BBIP1: variants seen among roughly 807,000 people sequenced by gnomAD.
The protein encoded by BBIP1 is BBSome-interacting protein 1.
BBIP1 carries 6 observed loss-of-function variants against 8.9 expected under a neutral mutation model. The ratio of observed to expected loss-of-function variants is 0.67; its 90% CI spans 0.37 to 1.33. The LOEUF is 1.33. Among genes scored for constraint, BBIP1 ranks in the 40% most tolerant of loss-of-function variants. The pLI is 0.02. For synonymous variants in BBIP1, 32 were observed against 33.4 expected, an observed-to-expected ratio of 0.96 and a Z score of 0.14; for missense variants, 111 against 109.2, an observed-to-expected ratio of 1.02 and a Z score of -0.07.
In BBIP1 at chr10:110,918,173, C is replaced by G; in HGVS notation, c.-16G>C. ...CTTTAAGCATCCAACCCGGTATTAC[C>G]AAGATGACTTAGAGTTCTTGACTCA... On this transcript the variant is annotated 5_prime_UTR_variant, in exon 2 of 4. Coordinates refer to ENST00000448814, the MANE Select transcript of BBIP1 (RefSeq NM_001195305.3). 1 of 1,534,814 alleles carries G rather than the reference C, an allele frequency of 6.5e-7. No homozygotes were observed. Among genetic ancestry groups the G allele is most frequent in the Non-Finnish European group, 8.7e-7 (1 of 1,145,810 alleles).
intron 2 of BBIP1, among the ~76,000 whole-genome samples, chr10:110,917,688 A>G (rs1846447515): frequency 6.6e-6 from 1 of 152,200 alleles, no homozygotes; most frequent in Non-Finnish European, 1.5e-5. Context: ...CATCCAAGAG[A>G]CACCCGATAT....
At chr10:110,903,182 G>C (rs1304099882) in intron 2 of BBIP1, 1 of 152,208 alleles carries the variant, frequency 6.6e-6, no homozygotes, top group East Asian at 1.9e-4. Flanking sequence ...AAATGCTAAA[G>C]TGGTAGATAA....
At chr10:110,915,956 G>A (rs1205028931) in intron 2 of BBIP1, among the ~76,000 whole-genome samples, 2 of 152,044 alleles carry the variant, frequency 1.3e-5, no homozygotes, top group Non-Finnish European at 1.5e-5. Context: ...CACCTGCCTC[G>A]GCCTCCCAAA....
intron 2 of BBIP1, among the ~76,000 whole-genome samples, chr10:110,916,610 T>G (rs1408640028): frequency 6.6e-6 from 1 of 152,200 alleles, no homozygotes; most frequent in Non-Finnish European, 1.5e-5. Context: ...TGGCCAACAG[T>G]TGCCTTGGTA....
At chr10:110,918,295 A>G (rs1414040743) in intron 1 of BBIP1, 82 bp from the exon 2 acceptor site, 2 of 715,278 alleles carry the variant, frequency 2.8e-6, no homozygotes, top group South Asian at 3.5e-5. Flanking sequence ...CACGTTGTTT[A>G]AGAAACTGTA....
At chr10:110,910,111 G>A (rs983811260) in intron 2 of BBIP1, among the ~76,000 whole-genome samples, 1 of 152,144 alleles carries the variant, frequency 6.6e-6, no homozygotes, top group African/African-American at 2.4e-5. Context: ...GGGGACAACG[G>A]GTGGTCTCTG....
chr10:110,914,092 T>C (rs1846337156), intron 2 of BBIP1, among the ~76,000 whole-genome samples: 1 of 152,184 alleles, frequency 6.6e-6, no homozygotes, highest in African/African-American at 2.4e-5. Flanking sequence ...CTTACCTTAC[T>C]TGCCCATCCA....
chr10:110,902,844 A>G (rs1460591654), intron 2 of BBIP1: 1 of 152,098 alleles, frequency 6.6e-6, no homozygotes, highest in African/African-American at 2.4e-5. Context: ...ACAATACACA[A>G]TTTCCTTAGA....
chr10:110,910,834 A>C (rs985490824), intron 2 of BBIP1: 25 of 152,260 alleles, frequency 1.6e-4, no homozygotes, highest in African/African-American at 6.0e-4. Context: ...GTCCAAGAGG[A>C]AGGTAAAAAG....
At position 110,918,164 on chromosome 10, in the gene BBIP1, C is replaced by T. The variant is rs1007006316; in HGVS notation, c.-7G>A. 23 of 1,535,380 alleles carry T rather than the reference C, an allele frequency of 1.5e-5. No homozygotes were observed. In the African/African-American group the frequency reaches 2.3e-4, roughly 16 times the overall value. On this transcript the variant is annotated 5_prime_UTR_variant, in exon 2 of 4. Transcript: ENST00000448814. ...TTGCTGCAGCTTTAAGCATCCAACCCGGTATTACCAAGATGACTTAGAGTT... is the reference window on the plus strand; with the variant it reads ...TTGCTGCAGCTTTAAGCATCCAACCTGGTATTACCAAGATGACTTAGAGTT...
intron 2 of BBIP1, 138 bp from the exon 3 acceptor site, chr10:110,901,750 A>G: frequency 1.5e-6 from 1 of 657,450 alleles, no homozygotes; most frequent in Non-Finnish European, 2.7e-6. Flanking sequence ...TATTGCCATT[A>G]ATTTCCTGTG....
At chr10:110,908,777 G>C (rs1846202906) in intron 2 of BBIP1, among the ~76,000 whole-genome samples, 1 of 125,338 alleles carries the variant, frequency 8.0e-6, no homozygotes, top group Non-Finnish European at 1.7e-5. Context: ...CATTATGGGG[G>C]AGGCAAGGAA....
At chr10:110,912,793 T>C (rs539083456) in intron 2 of BBIP1, among the ~76,000 whole-genome samples, 6 of 152,280 alleles carry the variant, frequency 3.9e-5, no homozygotes, top group Non-Finnish European at 7.4e-5. Context: ...TATGTGTTTA[T>C]CTTCCATAAT....
intron 2 of BBIP1, chr10:110,902,190 T>G (rs1048343864): frequency 6.5e-6 from 1 of 153,404 alleles, no homozygotes; most frequent in African/African-American, 2.4e-5. Context: ...AATTGGCTCT[T>G]GCAGAACAGA....
intron 2 of BBIP1, among the ~76,000 whole-genome samples, chr10:110,917,254 C>T (rs996224397): frequency 1.5e-5 from 2 of 135,906 alleles, no homozygotes; most frequent in African/African-American, 5.5e-5. Flanking sequence ...AAAGATATTC[C>T]TGGGTAAATT....
At chr10:110,914,369 A>G (rs1396050918) in intron 2 of BBIP1, among the ~76,000 whole-genome samples, 1 of 151,962 alleles carries the variant, frequency 6.6e-6, no homozygotes, top group East Asian at 1.9e-4. Flanking sequence ...GAATAACAAA[A>G]TTTTTATCTT....
chr10:110,907,830 A>G, intron 2 of BBIP1: 1 of 695,882 alleles, frequency 1.4e-6, no homozygotes, highest in African/African-American at 1.8e-5. Flanking sequence ...ATTAAATTTG[A>G]GAAGCCCTGG....
chr10:110,907,047 C>T (rs745861448), intron 2 of BBIP1: 2 of 152,256 alleles, frequency 1.3e-5, no homozygotes, highest in African/African-American at 4.8e-5. Flanking sequence ...AGTCTCTTGA[C>T]TTGCAGAAGC....
intron 2 of BBIP1, chr10:110,907,171 G>GT (rs1171316931): frequency 6.6e-6 from 1 of 152,222 alleles, no homozygotes. Flanking sequence ...TTTTGTCATA[G>GT]TAAGATTCTA....
Sources: allele counts gnomAD v4.1 joint callset (sites outside exome capture counted in the v4.1 genomes callset), GRCh38; gene constraint gnomAD v4.1.1; transcripts MANE v1.5; gene names NCBI Gene and HGNC (gene_info 2026-07-23, HGNC 2026-07-21).